Variants in CLCN1 observed in about 807,000 individuals in gnomAD.
The protein encoded by CLCN1 is chloride channel protein 1.
A neutral mutation model predicts 114.5 loss-of-function variants in CLCN1; 100 were observed. The observed-to-expected ratio is 0.87, with a 90% CI of 0.74 to 1.03. CLCN1 has a LOEUF of 1.03. Ranked by LOEUF, CLCN1 falls within the 50% of genes least tolerant of loss-of-function variation. CLCN1 has a pLI of 0.00. For missense variants in CLCN1, 1,188 were observed against 1,250.0 expected (o/e 0.95, Z 0.75); for synonymous variants, 485 against 487.1 (o/e 1.00, Z 0.06).
intron 12 of CLCN1, among the ~76,000 whole-genome samples, chr7:143,336,074 T>C (rs111701581): frequency 2.0e-5 from 3 of 152,278 alleles, no homozygotes; most frequent in African/African-American, 7.2e-5. Context: ...TGAGTATGAA[T>C]ACCATTCCAA....
At chr7:143,349,835 A>C (rs1484889337) in intron 20 of CLCN1, among the ~76,000 whole-genome samples, 1 of 152,232 alleles carries the variant, frequency 6.6e-6, no homozygotes, top group Admixed American at 6.5e-5. Context: ...GGCCAATGTC[A>C]TTTCTGAAAA....
chr7:143,345,210 G>T (rs1803194306), intron 16 of CLCN1, among the ~76,000 whole-genome samples: 1 of 152,104 alleles, frequency 6.6e-6, no homozygotes, highest in African/African-American at 2.4e-5. Context: ...TTTTTATTTG[G>T]ACAGCATTGA....
Position 143,331,585 on chromosome 7 carries a change from T to A in CLCN1, c.1099T>A (p.Tyr367Asn), listed in dbSNP as rs1031445351. ...TGGGCTCCTGGGAGCTGTATTTGTG[T>A]ATCTGCATCGCCAAGTCATGCTCGG... Reference protein sequence around the residue: ...CCGLLGAVFVYLHRQVMLGVR... With the variant: ...CCGLLGAVFVNLHRQVMLGVR... The change falls in exon 10 of 23, where the codon TAT (tyrosine) becomes AAT (asparagine). Residue 367 changes from tyrosine to asparagine, a missense_variant. By Grantham distance (143) the Tyr-to-Asn change is moderately radical. Transcript: ENST00000343257. The A allele has an allele frequency of 2.5e-6, 4 of 1,614,060 alleles. No homozygotes were observed. In the African/African-American group the frequency reaches 5.3e-5, roughly 22 times the overall value.
At chr7:143,336,480 G>A (rs1339000949) in intron 12 of CLCN1, among the ~76,000 whole-genome samples, 4 of 151,860 alleles carry the variant, frequency 2.6e-5, no homozygotes, top group Admixed American at 6.6e-5. Flanking sequence ...CGTGGTGGCA[G>A]GCGCCTGTAA....
In CLCN1 at chr7:143,324,467, C is replaced by T. The variant is rs751545821; in HGVS notation, c.828C>T (p.Gly276=). 1 of 1,614,022 alleles carries T rather than the reference C, an allele frequency of 6.2e-7. No homozygotes were observed. Among genetic ancestry groups the T allele is most frequent in the East Asian group, 2.2e-5 (1 of 44,868 alleles). The change falls in exon 7 of 23, where the codon GGC becomes GGT. Residue 276 remains glycine (G), a synonymous_variant. Coordinates refer to ENST00000343257, the MANE Select transcript of CLCN1 (RefSeq NM_000083.3). This position sits in a 1 kb window ranked among gnomAD's most constrained non-coding sequence, Gnocchi z 4.6. ...ILTVGCAVGV[G]CCFGTPLGGV... ...CGGTGGGCTGTGCTGTGGGAGTCGG[C>T]TGTTGTTTTGGGACACCACTTGGAG...
At chr7:143,340,828 C>T (rs1002789887) in intron 14 of CLCN1, among the ~76,000 whole-genome samples, 7 of 152,136 alleles carry the variant, frequency 4.6e-5, no homozygotes, top group African/African-American at 9.7e-5. Flanking sequence ...CCACCATGCC[C>T]GGCTGACTTT....
rs956905199 is a variant in CLCN1, at chr7:143,321,221, C to T, written c.434-144C>T. The T allele has an allele frequency of 1.2e-5, 12 of 972,852 alleles. No individual in the cohort carries two copies. The South Asian group carries it at 1.7e-4, about 13-fold the overall frequency. 60.3% of individuals were successfully genotyped at this position (972,852 alleles called of 1,614,324 possible). On this transcript the variant is annotated intron_variant, in intron 3 of 22. Coordinates refer to ENST00000343257, the MANE Select transcript of CLCN1 (RefSeq NM_000083.3). This position sits in a 1 kb window ranked among gnomAD's most constrained non-coding sequence, Gnocchi z 4.2. ...ATGTCGCCTCCATAACTCAGGCTTCCCATGTGTCAAATGAGAGCAGCACCA... is the reference window on the plus strand; with the variant it reads ...ATGTCGCCTCCATAACTCAGGCTTCTCATGTGTCAAATGAGAGCAGCACCA...
At chr7:143,348,533 T>G (rs1803313611) in intron 20 of CLCN1, among the ~76,000 whole-genome samples, 1 of 152,176 alleles carries the variant, frequency 6.6e-6, no homozygotes. Context: ...CCAACTCCCA[T>G]GTGACCCACT....
chr7:143,321,789 G>C lies in CLCN1; in HGVS notation c.637G>C (p.Val213Leu). 3.7e-6 allele frequency: 6 copies of C among 1,614,260 alleles called. No individual in the cohort carries two copies. The highest frequency in any genetic ancestry group is 5.1e-6 in the Non-Finnish European group (6 of 1,180,056). Reference sequence around the variant, plus strand: ...GGAATACCTCACAATGAAAGCCTTTGTGGCCAAGGTTGTCGCCCTGACTGC... The same window carrying C: ...GGAATACCTCACAATGAAAGCCTTTCTGGCCAAGGTTGTCGCCCTGACTGC... ...LKEYLTMKAFVAKVVALTAGL... is the reference protein window; with the variant it reads ...LKEYLTMKAFLAKVVALTAGL... Residue 213 changes from valine to leucine, a missense_variant, in exon 5 of 23, where the codon GTG becomes CTG. By Grantham distance (32) the Val-to-Leu change is conservative (BLOSUM62 1). Transcript: ENST00000343257. The surrounding 1 kb of genome is among the most constrained non-coding windows in gnomAD (Gnocchi z 4.2).
chr7:143,332,591 A>C (rs1263921788), intron 11 of CLCN1, 88 bp downstream of exon 11: 18 of 1,506,082 alleles, frequency 1.2e-5, no homozygotes, highest in Non-Finnish European at 1.7e-5. Context: ...GTCCAAGGAT[A>C]GACTTTCTAG....
chr7:143,334,576 A>C (rs1380853398), intron 12 of CLCN1, among the ~76,000 whole-genome samples: 1 of 152,202 alleles, frequency 6.6e-6, no homozygotes, highest in Admixed American at 6.5e-5. Flanking sequence ...AACAGAAAAA[A>C]AATTTTTAAA....
rs1802493208 is a variant in CLCN1 at position 143,323,340 on chromosome 7, C to T, written c.728C>T (p.Ala243Val). ...GPFVHIASIC[A>V]AVLSKFMSVF... ...TTCGTCCACATTGCCAGCATCTGTG[C>T]TGCTGTCCTCAGCAAATTCATGTCT... The change falls in exon 6 of 23, where the codon GCT becomes GTT. Residue 243 changes from alanine (A) to valine (V), a missense_variant. By Grantham distance (64) the Ala-to-Val change is moderately conservative. Coordinates refer to ENST00000343257, the MANE Select transcript of CLCN1 (RefSeq NM_000083.3). The T allele has an allele frequency of 6.2e-7, 1 of 1,613,634 alleles. No homozygotes were observed. The highest frequency in any genetic ancestry group is 8.5e-7 in the Non-Finnish European group (1 of 1,179,576).
intron 2 of CLCN1, 24 bp from the exon 3 acceptor site, chr7:143,320,637 TTTG>T (rs1482123070): frequency 6.2e-7 from 1 of 1,606,014 alleles, no homozygotes. Context: ...TGTTTGTTTG[TTTG>T]TTTTTTCCCT....
rs1009716258 is a variant in CLCN1 at position 143,342,461 on chromosome 7, T to C, written c.1886T>C (p.Leu629Pro). 1.2e-6 allele frequency: 2 copies of C among 1,614,114 alleles called. No individual in the cohort carries two copies. Among genetic ancestry groups the C allele is most frequent in the Non-Finnish European group, 8.5e-7 (1 of 1,180,028 alleles). Reference sequence around the variant, plus strand: ...ACATATGGGGAGTTGCGAACCCTGCTCCAGACCACCACAGTCAAGACTTTA... The same window carrying C: ...ACATATGGGGAGTTGCGAACCCTGCCCCAGACCACCACAGTCAAGACTTTA... Reference protein sequence around the residue: ...SYTYGELRTLLQTTTVKTLPL... With the variant: ...SYTYGELRTLPQTTTVKTLPL... The change falls in exon 16 of 23, where the codon CTC (leucine) becomes CCC (proline). Residue 629 changes from leucine to proline, a missense_variant. Leu to Pro is a moderately conservative substitution (Grantham distance 98). Transcript: ENST00000343257.
intron 12 of CLCN1, among the ~76,000 whole-genome samples, chr7:143,338,810 A>AAAAG (rs1554437972): frequency 6.2e-4 from 77 of 123,626 alleles, no homozygotes; most frequent in Non-Finnish European, 8.1e-4. Flanking sequence ...AAAAAAAAAG[A>AAAAG]AAAAAAAAAA....
chr7:143,347,140 C>T (rs1481602258), intron 20 of CLCN1, among the ~76,000 whole-genome samples, 191 bp downstream of exon 20: 9 of 152,182 alleles, frequency 5.9e-5, no homozygotes, highest in Middle Eastern at 3.4e-3. Flanking sequence ...GAGGTGTTCT[C>T]AGAAGGACAC....
intron 18 of CLCN1, 25 bp from the exon 19 acceptor site, chr7:143,346,554 T>A: frequency 6.3e-7 from 1 of 1,583,374 alleles, no homozygotes; most frequent in Non-Finnish European, 8.7e-7. Flanking sequence ...TGTGTCCATT[T>A]CCATCCACTC....
chr7:143,324,368 C>T lies in CLCN1; in HGVS notation c.775-46C>T, dbSNP rs748789652. 1 of 1,435,416 alleles carries T rather than the reference C, an allele frequency of 7.0e-7. No homozygotes were observed. The highest frequency in any genetic ancestry group is 1.7e-5 in the Admixed American group (1 of 59,790). 88.9% of individuals were successfully genotyped at this position (1,435,416 alleles called of 1,614,324 possible). On this transcript the variant is annotated intron_variant, in intron 6 of 22. Transcript: ENST00000343257. The surrounding 1 kb of genome is among the most constrained non-coding windows in gnomAD (Gnocchi z 4.6). ...GCTTGTTCTGTCCTCTGCCTGCCCA[C>T]CTCCCTCTCTTCCACCTGTTTCTCT...
chr7:143,323,813 T>A (rs1204119261), intron 6 of CLCN1: 2 of 474,928 alleles, frequency 4.2e-6, no homozygotes, highest in Non-Finnish European at 8.7e-6. Context: ...TGCTTCTCTG[T>A]TGCAGACCGT....
Sources: allele counts gnomAD v4.1 joint callset (sites outside exome capture counted in the v4.1 genomes callset), GRCh38; gene constraint gnomAD v4.1.1; non-coding constraint Gnocchi (gnomAD v3.1); transcripts MANE v1.5; gene names NCBI Gene and HGNC (gene_info 2026-07-23, HGNC 2026-07-21).